SH3RF3: variants seen among roughly 807,000 people sequenced by gnomAD.
SH3RF3 encodes E3 ubiquitin-protein ligase SH3RF3.
SH3RF3 carries 29 observed loss-of-function variants against 66.3 expected under a neutral mutation model. The ratio of observed to expected loss-of-function variants is 0.44; its 90% CI spans 0.33 to 0.60. The LOEUF (loss-of-function observed/expected upper bound fraction) is 0.60, where lower values mean the gene tolerates loss of function less well. Among genes scored for constraint, SH3RF3 ranks in the 20% least tolerant of loss-of-function variants. The probability of loss-of-function intolerance (pLI) is 0.04; values close to 1 mark genes in which losing one functional copy is unlikely to be tolerated. For synonymous variants in SH3RF3, 583 were observed against 532.0 expected (o/e 1.10, Z -1.32); for missense variants, 1,194 against 1,190.9 (o/e 1.00, Z -0.04).
At chr2:109,392,890 A>G (rs1676041627) in intron 3 of SH3RF3, among the ~76,000 whole-genome samples, 1 of 152,086 alleles carries the variant, frequency 6.6e-6, no homozygotes. Flanking sequence ...AGGCTCTTGG[A>G]ATGTTCCACA....
intron 3 of SH3RF3, among the ~76,000 whole-genome samples, chr2:109,379,263 G>A (rs539531907): frequency 6.6e-6 from 1 of 152,312 alleles, no homozygotes; most frequent in South Asian, 2.1e-4. Context: ...AAGGGTCAGA[G>A]GTTCCCCAGG....
Position 109,166,170 on chromosome 2 carries a change from T to A in SH3RF3, c.573+36057T>A, listed in dbSNP as rs189218496. Among the ~76,000 whole-genome samples, 29 of 152,168 alleles carry A rather than the reference T, an allele frequency of 1.9e-4. No individual in the cohort carries two copies. In the East Asian group the frequency reaches 5.4e-3, roughly 28 times the overall value. On this transcript the variant is annotated intron_variant, in intron 1 of 9. Transcript: ENST00000309415. ...TAATATGGTTGGCTTTTTCCCTCAG[T>A]GCTCAGTGTTTCAAAGGAAAGATGC...
At chr2:109,204,082 A>G (rs1678751244) in intron 1 of SH3RF3, among the ~76,000 whole-genome samples, 2 of 152,198 alleles carry the variant, frequency 1.3e-5, no homozygotes, top group Admixed American at 1.3e-4. Context: ...CCTCCTGCCC[A>G]CTGGCTGTCA....
At chr2:109,357,652 G>C (rs1682978935) in intron 2 of SH3RF3, among the ~76,000 whole-genome samples, 1 of 152,138 alleles carries the variant, frequency 6.6e-6, no homozygotes, top group Non-Finnish European at 1.5e-5. Flanking sequence ...GTCCAACTTT[G>C]TTTTCTCTCA....
chr2:109,439,609 A>G (rs1449205507), intron 7 of SH3RF3, among the ~76,000 whole-genome samples: 1 of 152,090 alleles, frequency 6.6e-6, no homozygotes, highest in East Asian at 1.9e-4. Context: ...GATTTGTTCT[A>G]CTTGATTAAT....
chr2:109,319,586 C>T (rs1415088629), intron 1 of SH3RF3, among the ~76,000 whole-genome samples: 2 of 152,234 alleles, frequency 1.3e-5, no homozygotes, highest in Non-Finnish European at 2.9e-5. Context: ...GGGCTCGTTC[C>T]AGAACAGAAA....
At chr2:109,406,573 A>G (rs1485970404) in intron 4 of SH3RF3, among the ~76,000 whole-genome samples, 1 of 152,158 alleles carries the variant, frequency 6.6e-6, no homozygotes, top group Non-Finnish European at 1.5e-5. Context: ...TCTAGCCACT[A>G]CTTGTTTTGG....
At chr2:109,204,051 C>T (rs868112724) in intron 1 of SH3RF3, among the ~76,000 whole-genome samples, 3 of 152,140 alleles carry the variant, frequency 2.0e-5, no homozygotes, top group East Asian at 1.9e-4. Flanking sequence ...GGAGGCCATT[C>T]GAAAAATGCC....
At chr2:109,454,759 G>A (rs1228399792) in intron 8 of SH3RF3, among the ~76,000 whole-genome samples, 2 of 152,140 alleles carry the variant, frequency 1.3e-5, no homozygotes, top group East Asian at 3.9e-4. Flanking sequence ...TGCTGTGTGC[G>A]AGTCCTGACA....
intron 1 of SH3RF3, 45 bp from the exon 2 acceptor site, chr2:109,347,629 G>C (rs764931343): frequency 6.3e-7 from 1 of 1,592,612 alleles, no homozygotes; most frequent in Admixed American, 1.7e-5. Flanking sequence ...GTGGGGCATT[G>C]GGAAGGGGCA....
intron 1 of SH3RF3, among the ~76,000 whole-genome samples, chr2:109,222,301 C>T (rs541566465): frequency 6.6e-6 from 1 of 152,060 alleles, no homozygotes; most frequent in Non-Finnish European, 1.5e-5. Flanking sequence ...GATTAGTTAA[C>T]AACAATTTAT....
intron 1 of SH3RF3, among the ~76,000 whole-genome samples, chr2:109,263,782 CTG>C (rs1425258123): frequency 3.9e-5 from 6 of 152,160 alleles, no homozygotes; most frequent in African/African-American, 1.4e-4. Flanking sequence ...CTGGCTAACA[CTG>C]TGAAATGCCG....
At chr2:109,152,035 T>C (rs1367658977) in intron 1 of SH3RF3, among the ~76,000 whole-genome samples, 2 of 152,262 alleles carry the variant, frequency 1.3e-5, no homozygotes, top group African/African-American at 4.8e-5. Context: ...TGGGAAGTTA[T>C]TACTTCTCTG....
chr2:109,447,640 C>A (rs920511617), intron 7 of SH3RF3, among the ~76,000 whole-genome samples: 1 of 152,126 alleles, frequency 6.6e-6, no homozygotes, highest in Non-Finnish European at 1.5e-5. Context: ...CAGAACAACC[C>A]AGGACACAAG....
chr2:109,152,775 C>T (rs576158970), intron 1 of SH3RF3, among the ~76,000 whole-genome samples: 1 of 152,172 alleles, frequency 6.6e-6, no homozygotes, highest in African/African-American at 2.4e-5. Flanking sequence ...TGTCCCCTCC[C>T]AGGCCCGATG....
intron 8 of SH3RF3, among the ~76,000 whole-genome samples, chr2:109,478,715 G>A (rs928124500): frequency 7.9e-5 from 12 of 152,180 alleles, no homozygotes; most frequent in African/African-American, 2.9e-4. Context: ...GAGAGTCTGA[G>A]CTCGTAGGTA....
intron 1 of SH3RF3, among the ~76,000 whole-genome samples, chr2:109,278,561 G>C (rs2105336341): frequency 6.6e-6 from 1 of 152,360 alleles, no homozygotes; most frequent in African/African-American, 2.4e-5. Flanking sequence ...CAATGTCACT[G>C]CATAGCAATG....
At chr2:109,394,973 C>T (rs1676102163) in intron 3 of SH3RF3, among the ~76,000 whole-genome samples, 1 of 152,234 alleles carries the variant, frequency 6.6e-6, no homozygotes, top group Non-Finnish European at 1.5e-5. Flanking sequence ...CGTGGGCCCA[C>T]AAGGATGTGT....
intron 1 of SH3RF3, among the ~76,000 whole-genome samples, chr2:109,134,321 A>G (rs1676768974): frequency 6.6e-6 from 1 of 151,842 alleles, no homozygotes; most frequent in South Asian, 2.1e-4. Flanking sequence ...TATAATAAGG[A>G]CTCCAGAGGA....
Sources: allele counts gnomAD v4.1 joint callset (sites outside exome capture counted in the v4.1 genomes callset), GRCh38; gene constraint gnomAD v4.1.1; transcripts MANE v1.5; gene names NCBI Gene and HGNC (gene_info 2026-07-23, HGNC 2026-07-21).